The following PTPRC variants were observed in gnomAD, a reference collection of about 807,000 sequenced individuals.
PTPRC encodes the protein receptor-type tyrosine-protein phosphatase C.
PTPRC carries 44 observed loss-of-function variants against 155.9 expected under a neutral mutation model. The observed-to-expected ratio is 0.28, with a 90% confidence interval of 0.22 to 0.36. The LOEUF is 0.36. PTPRC is among the 10% of genes least tolerant of loss of function. The pLI is 1.00. For missense variants in PTPRC, 1,401 were observed against 1,564.6 expected (o/e 0.90, Z 1.76); for synonymous variants, 525 against 533.1 (o/e 0.98, Z 0.21).
intron 27 of PTPRC, among the ~76,000 whole-genome samples, chr1:198,748,600 C>G (rs1655245090): frequency 6.6e-6 from 1 of 151,604 alleles, no homozygotes; most frequent in Non-Finnish European, 1.5e-5. Context: ...TATATGTTTC[C>G]TTTTTATCCC....
rs1666220314 is a variant in PTPRC at position 198,696,720 on chromosome 1, A to G, written c.109A>G (p.Thr37Ala). 4 of 1,613,392 alleles carry G rather than the reference A, an allele frequency of 2.5e-6. No individual in the cohort carries two copies. Among genetic ancestry groups the G allele is most frequent in the South Asian group, 2.2e-5 (2 of 91,088 alleles). Residue 37 changes from threonine (T) to alanine (A), a missense_variant, in exon 4 of 33, where the codon ACA (threonine) becomes GCA (alanine). Thr to Ala is a moderately conservative substitution (Grantham distance 58). This residue lies in a region of PTPRC where 867 missense variants were observed against 970.4 expected (regional missense o/e 0.89). Transcript: ENST00000442510. ...TTTCCATTAATTAACAGGATTGACT[A>G]CAGCAAAGATGCCCAGTGTTCCACT... ...SPTPSPTGLTTAKMPSVPLSS... is the reference protein window; with the variant it reads ...SPTPSPTGLTAAKMPSVPLSS...
rs761327157 is a variant in PTPRC at position 198,699,619 on chromosome 1, C to T, written c.354C>T (p.Pro118=). 2 of 1,614,200 alleles carry T rather than the reference C, an allele frequency of 1.2e-6. No homozygotes were observed. The highest frequency in any genetic ancestry group is 4.5e-5 in the East Asian group (2 of 44,880). ...CCACGCACGCAGACTCGCAGACGCCCTCTGCTGGAACTGACACGCAGACAT... is the reference window on the plus strand; with the variant it reads ...CCACGCACGCAGACTCGCAGACGCCTTCTGCTGGAACTGACACGCAGACAT... The part of the protein sequence containing the change: ...HLPTHADSQT[P]SAGTDTQTFS... The change falls in exon 5 of 33, where the codon CCC becomes CCT. Residue 118 remains proline (P), a synonymous_variant. Coordinates refer to ENST00000442510, the MANE Select transcript of PTPRC (RefSeq NM_002838.5).
At position 198,694,217 on chromosome 1, in the gene PTPRC, G is replaced by A. The variant is rs78958674; in HGVS notation, c.100+1844G>A. The A allele has an allele frequency of 0.06, 83,623 of 1,395,476 alleles. 2,855 individuals carry two copies. Among genetic ancestry groups the A allele is most frequent in the Non-Finnish European group, 0.067 (71,238 of 1,063,022 alleles). 86.4% of individuals were successfully genotyped at this position (1,395,476 alleles called of 1,614,324 possible). ...CAGGAAGCAGCCAGCACGAGAGAAAGATGAAGACCAGAAGACTCAGCAAGC... is the reference window on the plus strand; with the variant it reads ...CAGGAAGCAGCCAGCACGAGAGAAAAATGAAGACCAGAAGACTCAGCAAGC... On this transcript the variant is annotated intron_variant, in intron 3 of 32. Coordinates refer to ENST00000442510, the MANE Select transcript of PTPRC (RefSeq NM_002838.5).
intron 17 of PTPRC, among the ~76,000 whole-genome samples, chr1:198,730,857 G>A (rs1654354144): frequency 6.6e-6 from 1 of 152,086 alleles, no homozygotes; most frequent in South Asian, 2.1e-4. Context: ...CACCCTCATG[G>A]ATAACTTCTT....
chr1:198,639,372 T>C (rs771747130), intron 2 of PTPRC, 31 bp downstream of exon 2: 1 of 1,505,482 alleles, frequency 6.6e-7, no homozygotes, highest in Non-Finnish European at 9.2e-7. Context: ...ATTTTTTAAA[T>C]TATTTTTTCT....
At chr1:198,675,901 T>C (rs1664924779) in intron 2 of PTPRC, among the ~76,000 whole-genome samples, 2 of 152,194 alleles carry the variant, frequency 1.3e-5, no homozygotes, top group South Asian at 4.1e-4. Flanking sequence ...GAAGCATTAT[T>C]GTAGAACTGT....
At chr1:198,664,420 C>T (rs1010066164) in intron 2 of PTPRC, among the ~76,000 whole-genome samples, 1 of 152,162 alleles carries the variant, frequency 6.6e-6, no homozygotes, top group Non-Finnish European at 1.5e-5. Flanking sequence ...GAGAGCACGT[C>T]TCAGAGGACA....
At chr1:198,666,098 G>A (rs1664288692) in intron 2 of PTPRC, among the ~76,000 whole-genome samples, 2 of 151,768 alleles carry the variant, frequency 1.3e-5, no homozygotes, top group African/African-American at 2.4e-5. Context: ...AAATTAGCTG[G>A]GTATAGTGCC....
At chr1:198,755,568 T>G (rs1420702454) in intron 32 of PTPRC, among the ~76,000 whole-genome samples, 2 of 152,068 alleles carry the variant, frequency 1.3e-5, no homozygotes. Context: ...GAAGCAGTGA[T>G]TCCTGCCCTG....
chr1:198,714,115 C>T (rs1393939880), intron 12 of PTPRC, among the ~76,000 whole-genome samples: 1 of 152,060 alleles, frequency 6.6e-6, no homozygotes, highest in Non-Finnish European at 1.5e-5. Context: ...GAAGATAAAA[C>T]AGCAGAGGTA....
intron 17 of PTPRC, among the ~76,000 whole-genome samples, chr1:198,730,834 A>G (rs1006659209): frequency 6.6e-6 from 1 of 152,134 alleles, no homozygotes; most frequent in Admixed American, 6.6e-5. Flanking sequence ...CATGGGCAAT[A>G]AGATAAATGG....
intron 2 of PTPRC, among the ~76,000 whole-genome samples, chr1:198,681,579 T>C (rs540980439): frequency 6.6e-6 from 1 of 152,310 alleles, no homozygotes; most frequent in East Asian, 1.9e-4. Context: ...GGAATGTGAG[T>C]TCTATTTACA....
At chr1:198,648,503 A>T (rs1376904990) in intron 2 of PTPRC, among the ~76,000 whole-genome samples, 1 of 151,782 alleles carries the variant, frequency 6.6e-6, no homozygotes, top group Admixed American at 6.6e-5. Context: ...AATTTAAGAC[A>T]TGACTGTGTG....
At position 198,696,570 on chromosome 1, in the gene PTPRC, A is replaced by G. The variant is rs76393421; in HGVS notation, c.101-142A>G. 7.5e-3 allele frequency: 5,516 copies of G among 740,074 alleles called. 203 individuals are homozygous for G. In the African/African-American group the frequency reaches 0.081, roughly 11 times the overall value. The allele number at this position is 740,074 out of a possible 1,614,324, so 45.8% of individuals were successfully genotyped here. On this transcript the variant is annotated intron_variant, in intron 3 of 32. Transcript: ENST00000442510. ...ACACACCATATACATACACTTATGT[A>G]TGGTGTGTGCATATGTATGTGTAGA...
intron 28 of PTPRC, 136 bp from the exon 29 acceptor site, chr1:198,750,356 A>G (rs1553245726): frequency 1.1e-6 from 1 of 915,862 alleles, no homozygotes; most frequent in Non-Finnish European, 1.8e-6. Context: ...TGTTTCTTGT[A>G]AGAAACATAA....
intron 2 of PTPRC, among the ~76,000 whole-genome samples, chr1:198,660,414 A>G (rs1159675793): frequency 6.6e-6 from 1 of 151,974 alleles, no homozygotes; most frequent in Non-Finnish European, 1.5e-5. Context: ...AGCTGTGTTT[A>G]AATTTTGAAT....
intron 26 of PTPRC, among the ~76,000 whole-genome samples, chr1:198,747,303 C>G (rs578010530): frequency 8.2e-4 from 123 of 150,530 alleles, no homozygotes; most frequent in Non-Finnish European, 1.6e-3. Context: ...AACAGCTTGG[C>G]CCTTCCAAGA....
chr1:198,741,455 A>C (rs1654896312), intron 23 of PTPRC, among the ~76,000 whole-genome samples: 1 of 151,846 alleles, frequency 6.6e-6, no homozygotes. Flanking sequence ...CAGTTGTGAG[A>C]ATGACCTTTA....
chr1:198,702,248 A>G (rs1398219503), intron 5 of PTPRC, 139 bp from the exon 6 acceptor site: 3 of 1,064,638 alleles, frequency 2.8e-6, no homozygotes, highest in Non-Finnish European at 4.4e-6. Flanking sequence ...TGTAGAATGC[A>G]TGTGTCGTGG....
Sources: gnomAD v4.1 joint callset for allele counts (sites outside exome capture counted in the v4.1 genomes callset) on GRCh38, gnomAD v4.1.1 for gene constraint, gnomAD v4.1.1 regional missense constraint, MANE v1.5 for transcripts, NCBI Gene and HGNC (gene_info 2026-07-23, HGNC 2026-07-21) for gene names.